Variants in STAC observed in about 807,000 individuals in gnomAD.
STAC encodes the protein SH3 and cysteine-rich domain-containing protein.
Under a neutral mutation model 48.8 loss-of-function variants are expected in STAC, and 43 were observed. The observed-to-expected ratio is 0.88, with a 90% CI of 0.69 to 1.14. The LOEUF (loss-of-function observed/expected upper bound fraction) is 1.14. Among genes scored for constraint, STAC ranks in the 50% most tolerant of loss-of-function variants. The pLI is 0.00. For missense variants in STAC, 497 were observed against 504.0 expected (o/e 0.99, Z 0.13); for synonymous variants, 193 against 179.5 (o/e 1.07, Z -0.60).
chr3:36,439,398 C>A (rs1181198435), intron 1 of STAC, among the ~76,000 whole-genome samples: 2 of 152,164 alleles, frequency 1.3e-5, no homozygotes, highest in African/African-American at 2.4e-5. Context: ...ACACATTATC[C>A]TCTGTGTCCT....
At chr3:36,456,543 C>A (rs555996225) in intron 2 of STAC, among the ~76,000 whole-genome samples, 5 of 152,224 alleles carry the variant, frequency 3.3e-5, no homozygotes, top group Admixed American at 1.3e-4. Flanking sequence ...AGGGACCATG[C>A]GAAGCTGCTG....
rs1250450818 is a variant in STAC, at chr3:36,380,638, GCCACGATGATC to G, written c.-3_8del. 6.3e-7 allele frequency: 1 copy of G among 1,581,074 alleles called. No individual in the cohort carries two copies. ...GGGAGCCCAACACCGTTCCCGCGCG[GCCACGATGATC>G]CCTCCGAGCAGCCCCCGCGAGGACG... On this transcript the variant is annotated start_lost and 5_prime_UTR_variant, in exon 1 of 11. Transcript: ENST00000273183.
chr3:36,522,236 ATTTG>A (rs1698825416), intron 8 of STAC, among the ~76,000 whole-genome samples: 2 of 152,098 alleles, frequency 1.3e-5, no homozygotes, highest in East Asian at 1.9e-4. Flanking sequence ...TCAGTTCTAT[ATTTG>A]TTTGTCATCT....
At chr3:36,530,915 T>C (rs1699050597) in intron 10 of STAC, among the ~76,000 whole-genome samples, 1 of 152,132 alleles carries the variant, frequency 6.6e-6, no homozygotes, top group Non-Finnish European at 1.5e-5. Flanking sequence ...CTTTTCTTTA[T>C]GGCTATTCAA....
At chr3:36,511,692 A>G (rs1698543354) in intron 8 of STAC, among the ~76,000 whole-genome samples, 2 of 152,130 alleles carry the variant, frequency 1.3e-5, no homozygotes, top group South Asian at 2.1e-4. Context: ...CTCTCTTCAC[A>G]TGGCTTCTGG....
chr3:36,509,524 C>A (rs1012791134), intron 8 of STAC, among the ~76,000 whole-genome samples: 10 of 149,636 alleles, frequency 6.7e-5, no homozygotes, highest in Non-Finnish European at 1.2e-4. Flanking sequence ...TTCTCCCCAT[C>A]ACTTTCAGGT....
intron 2 of STAC, among the ~76,000 whole-genome samples, chr3:36,479,251 G>A (rs528905271): frequency 1.3e-5 from 2 of 152,148 alleles, no homozygotes; most frequent in African/African-American, 4.8e-5. Context: ...AAAATTCTGG[G>A]TTGCAAATCT....
Position 36,431,693 on chromosome 3 carries a change from G to T in STAC, c.112-11671G>T, listed in dbSNP as rs6781603. Among the ~76,000 whole-genome samples, 614 of 152,228 alleles carry T rather than the reference G, an allele frequency of 4.0e-3. 5 individuals carry two copies. Among genetic ancestry groups the T allele is most frequent in the African/African-American group, 0.013 (540 of 41,534 alleles). On this transcript the variant is annotated intron_variant, in intron 1 of 10. Coordinates refer to ENST00000273183, the MANE Select transcript of STAC (RefSeq NM_003149.3). ...TTTGAGGAGGAAAAAAAGGGAGAGA[G>T]GTTTATAAAGCACACTTCCGTCAGT...
At chr3:36,487,217 T>C (rs1697837334) in intron 5 of STAC, among the ~76,000 whole-genome samples, 1 of 152,122 alleles carries the variant, frequency 6.6e-6, no homozygotes, top group Admixed American at 6.5e-5. Context: ...AATAGGAATG[T>C]AGGTCGGGTA....
chr3:36,479,571 TGTTTC>T (rs1697589263), intron 2 of STAC, among the ~76,000 whole-genome samples: 1 of 152,200 alleles, frequency 6.6e-6, no homozygotes, highest in Non-Finnish European at 1.5e-5. Flanking sequence ...GTGGCATCTT[TGTTTC>T]CAGGTATTTA....
chr3:36,382,741 G>A (rs936885244), intron 1 of STAC, among the ~76,000 whole-genome samples: 3 of 152,324 alleles, frequency 2.0e-5, no homozygotes, highest in African/African-American at 7.2e-5. Flanking sequence ...TAAGGGAGTA[G>A]GATGGCATGA....
intron 8 of STAC, among the ~76,000 whole-genome samples, chr3:36,527,211 A>G (rs552719103): frequency 6.6e-6 from 1 of 152,378 alleles, no homozygotes; most frequent in East Asian, 1.9e-4. Flanking sequence ...AAAAGAAGTA[A>G]TAAGATAAAG....
rs148874387 is a variant in STAC at position 36,517,865 on chromosome 3, A to G, written c.921-10831A>G. 1.2e-4 allele frequency among the ~76,000 whole-genome samples: 19 copies of G among 152,224 alleles called. 1 individual carries two copies. In the East Asian group the frequency reaches 3.3e-3, roughly 26 times the overall value. Reference sequence around the variant, plus strand: ...ACCTCCCACACACACTCACAGTCACACACACACACATACATGCACATACAC... The same window carrying G: ...ACCTCCCACACACACTCACAGTCACGCACACACACATACATGCACATACAC... On this transcript the variant is annotated intron_variant, in intron 8 of 10. Transcript: ENST00000273183.
chr3:36,410,248 G>A (rs943179588), intron 1 of STAC, among the ~76,000 whole-genome samples: 8 of 152,110 alleles, frequency 5.3e-5, no homozygotes, highest in Non-Finnish European at 4.4e-5. Context: ...GTGTGTGTTC[G>A]CCTGCTCATA....
At chr3:36,513,717 G>A (rs952585960) in intron 8 of STAC, among the ~76,000 whole-genome samples, 3 of 152,080 alleles carry the variant, frequency 2.0e-5, no homozygotes, top group African/African-American at 7.2e-5. Flanking sequence ...ATCTAGCATC[G>A]ATGTGATTAT....
chr3:36,400,262 T>C (rs1699974181), intron 1 of STAC, among the ~76,000 whole-genome samples: 1 of 152,182 alleles, frequency 6.6e-6, no homozygotes, highest in Non-Finnish European at 1.5e-5. Context: ...TAGAAATATA[T>C]AAATAGACAC....
intron 1 of STAC, among the ~76,000 whole-genome samples, chr3:36,430,935 A>T (rs1307105692): frequency 6.6e-6 from 1 of 152,156 alleles, no homozygotes; most frequent in Non-Finnish European, 1.5e-5. Flanking sequence ...TCTCCAAATA[A>T]AATCATATTC....
At chr3:36,388,955 T>C (rs910812730) in intron 1 of STAC, among the ~76,000 whole-genome samples, 1 of 152,172 alleles carries the variant, frequency 6.6e-6, no homozygotes, top group African/African-American at 2.4e-5. Flanking sequence ...TTTATATTTA[T>C]CTGCACTCAA....
chr3:36,496,776 C>T (rs1225304025), intron 6 of STAC, among the ~76,000 whole-genome samples: 2 of 152,150 alleles, frequency 1.3e-5, no homozygotes, highest in African/African-American at 2.4e-5. Context: ...AGTAAAATCT[C>T]GCCTGAAGTA....
Sources: allele counts gnomAD v4.1 joint callset (sites outside exome capture counted in the v4.1 genomes callset), GRCh38; gene constraint gnomAD v4.1.1; transcripts MANE v1.5; gene names NCBI Gene and HGNC (gene_info 2026-07-23, HGNC 2026-07-21).